SRGAP1: variants seen among roughly 807,000 people sequenced by gnomAD.
SRGAP1 encodes the protein SLIT-ROBO Rho GTPase activating protein 1.
SRGAP1 carries 43 observed loss-of-function variants against 121.9 expected under a neutral mutation model. That is an observed-to-expected ratio of 0.35 (90% CI 0.28 to 0.46). The LOEUF (loss-of-function observed/expected upper bound fraction) is 0.46, where lower values mean the gene tolerates loss of function less well. Among genes scored for constraint, SRGAP1 ranks in the 20% least tolerant of loss-of-function variants. The pLI is 1.00. For synonymous variants in SRGAP1, 447 were observed against 485.4 expected (o/e 0.92, Z 1.04); for missense variants, 1,102 against 1,350.9 (o/e 0.82, Z 2.89).
chr12:64,123,952 T>C (rs750644577), intron 18 of SRGAP1, among the ~76,000 whole-genome samples: 3 of 152,122 alleles, frequency 2.0e-5, no homozygotes, highest in Non-Finnish European at 4.4e-5. Context: ...ACCAGGCACC[T>C]ATAATCCCAG....
At chr12:64,053,534 T>A (rs1165097215) in intron 6 of SRGAP1, among the ~76,000 whole-genome samples, 1 of 152,154 alleles carries the variant, frequency 6.6e-6, no homozygotes, top group Non-Finnish European at 1.5e-5. Context: ...TAGCTTGGAA[T>A]CAAGTGGGAA....
chr12:64,034,756 A>G (rs2034860705), intron 4 of SRGAP1, among the ~76,000 whole-genome samples: 2 of 152,174 alleles, frequency 1.3e-5, no homozygotes, highest in African/African-American at 4.8e-5. Flanking sequence ...TACTTGCCAA[A>G]GACCTCACAG....
intron 1 of SRGAP1, among the ~76,000 whole-genome samples, chr12:63,861,300 ATAT>A (rs1456338733): frequency 1.6e-5 from 2 of 125,822 alleles, no homozygotes; most frequent in African/African-American, 6.6e-5. Flanking sequence ...ATATATATAT[ATAT>A]TTTTTTTTTT....
At chr12:63,936,038 G>A (rs1172179478) in intron 1 of SRGAP1, among the ~76,000 whole-genome samples, 1 of 152,064 alleles carries the variant, frequency 6.6e-6, no homozygotes, top group African/African-American at 2.4e-5. Context: ...ATGAGAGTAG[G>A]AGTAACTTTT....
At chr12:64,123,438 A>G (rs1485051386) in intron 18 of SRGAP1, among the ~76,000 whole-genome samples, 1 of 152,144 alleles carries the variant, frequency 6.6e-6, no homozygotes, top group Non-Finnish European at 1.5e-5. Flanking sequence ...GGTATCTGTC[A>G]TCTCAAGTCA....
intron 1 of SRGAP1, among the ~76,000 whole-genome samples, chr12:63,875,125 G>A (rs773912604): frequency 2.6e-5 from 4 of 152,110 alleles, no homozygotes; most frequent in Non-Finnish European, 4.4e-5. Flanking sequence ...CCTTGCCCAG[G>A]CTGATCTTGA....
chr12:63,904,700 T>A (rs1048430729), intron 1 of SRGAP1, among the ~76,000 whole-genome samples: 2 of 151,828 alleles, frequency 1.3e-5, no homozygotes, highest in Admixed American at 1.3e-4. Context: ...GGAGGCCGAG[T>A]TGGGAGGATC....
chr12:63,873,688 A>G (rs1291743270), intron 1 of SRGAP1, among the ~76,000 whole-genome samples: 2 of 151,692 alleles, frequency 1.3e-5, no homozygotes, highest in Non-Finnish European at 2.9e-5. Flanking sequence ...TATTTTTTTG[A>G]GATGGAGTCT....
chr12:63,940,591 C>A (rs927717403), intron 1 of SRGAP1, among the ~76,000 whole-genome samples: 9 of 152,120 alleles, frequency 5.9e-5, no homozygotes, highest in African/African-American at 1.9e-4. Context: ...TGCCTGAAAG[C>A]TGGGCTCTTT....
chr12:64,044,821 C>T (rs2035095543), intron 6 of SRGAP1, among the ~76,000 whole-genome samples: 1 of 151,696 alleles, frequency 6.6e-6, no homozygotes, highest in South Asian at 2.1e-4. Flanking sequence ...TCTGGGACTA[C>T]AGGCACATGC....
At chr12:64,098,142 C>T (rs1368222345) in intron 15 of SRGAP1, among the ~76,000 whole-genome samples, 4 of 152,032 alleles carry the variant, frequency 2.6e-5, no homozygotes, top group Non-Finnish European at 5.9e-5. Context: ...ATAAAGAAAT[C>T]TCCGTACAGT....
intron 15 of SRGAP1, among the ~76,000 whole-genome samples, chr12:64,102,735 G>A (rs2036278469): frequency 6.6e-6 from 1 of 152,092 alleles, no homozygotes. Context: ...TGTTACAGTA[G>A]GTATCAGTAC....
rs1449913623 is a variant in SRGAP1, at chr12:64,060,162, ATCCT to A, written c.802-2747_802-2744del. On this transcript the variant is annotated intron_variant, in intron 6 of 21. Transcript: ENST00000355086. ...TTTTTTTTTCTTTTTCCTTCCTTCCATCCTTCCTTCCCTTTTTTCTTCCTTCCTT... is the reference window on the plus strand; with the variant it reads ...TTTTTTTTTCTTTTTCCTTCCTTCCATCCTTCCCTTTTTTCTTCCTTCCTT... Among the ~76,000 whole-genome samples the A allele has an allele frequency of 4.9e-5, 6 of 122,372 alleles. No homozygotes were observed. In the South Asian group the frequency reaches 8.2e-4, roughly 17 times the overall value. The allele number at this position is 122,372 out of a possible 152,430, so 80.3% of individuals were successfully genotyped here.
In SRGAP1 at chr12:64,142,463, C is replaced by T. The variant is rs1395867354; in HGVS notation, c.3049C>T (p.Leu1017Phe). ...ESLSPLHNVA[L>F]RSSEPQIRRS... ...TCTCAGCCCTTTGCACAACGTTGCC[C>T]TCAGGAGCTCCGAGCCTCAGATTCG... The change falls in exon 22 of 22, where the codon CTC becomes TTC. Residue 1017 changes from leucine to phenylalanine, a missense_variant. Coordinates refer to ENST00000355086, the MANE Select transcript of SRGAP1 (RefSeq NM_020762.4). 6.2e-7 allele frequency: 1 copy of T among 1,614,032 alleles called. No individual in the cohort carries two copies. Among genetic ancestry groups the T allele is most frequent in the Non-Finnish European group, 8.5e-7 (1 of 1,180,038 alleles).
At chr12:63,932,840 G>T (rs1275097729) in intron 1 of SRGAP1, among the ~76,000 whole-genome samples, 1 of 152,176 alleles carries the variant, frequency 6.6e-6, no homozygotes, top group Non-Finnish European at 1.5e-5. Flanking sequence ...ATATGAGACT[G>T]GTTGAAGTGG....
chr12:63,999,450 T>C (rs187115579), intron 3 of SRGAP1, among the ~76,000 whole-genome samples: 32 of 152,198 alleles, frequency 2.1e-4, no homozygotes, highest in African/African-American at 7.7e-4. Flanking sequence ...AGATGAGAGA[T>C]GAGGATGCTC....
chr12:63,873,653 T>A (rs899227127), intron 1 of SRGAP1, among the ~76,000 whole-genome samples: 1 of 149,358 alleles, frequency 6.7e-6, no homozygotes, highest in African/African-American at 2.4e-5. Flanking sequence ...CCATATAAAA[T>A]TAGATTTTAT....
chr12:63,891,532 G>T (rs963317946), intron 1 of SRGAP1, among the ~76,000 whole-genome samples: 6 of 152,200 alleles, frequency 3.9e-5, no homozygotes, highest in African/African-American at 1.2e-4. Context: ...TTAGGATCTG[G>T]TTGGGTCCGT....
intron 3 of SRGAP1, among the ~76,000 whole-genome samples, chr12:63,998,695 T>C (rs2033786548): frequency 6.6e-6 from 1 of 152,162 alleles, no homozygotes; most frequent in Non-Finnish European, 1.5e-5. Context: ...ACTCAAGAAC[T>C]GTCACTCAAA....
Sources: gnomAD v4.1 joint callset for allele counts (sites outside exome capture counted in the v4.1 genomes callset) on GRCh38, gnomAD v4.1.1 for gene constraint, MANE v1.5 for transcripts, NCBI Gene and HGNC (gene_info 2026-07-23, HGNC 2026-07-21) for gene names.